The following CSNK1D variants were observed in gnomAD, a reference collection of about 807,000 sequenced individuals.
The protein encoded by CSNK1D is casein kinase 1 delta, also known as casein kinase I isoform delta.
CSNK1D carries 16 observed loss-of-function variants against 46.6 expected under a neutral mutation model. The observed-to-expected ratio is 0.34, with a 90% confidence interval of 0.23 to 0.52. The LOEUF is 0.52. Ranked by LOEUF, CSNK1D falls within the 20% of genes least tolerant of loss-of-function variation. CSNK1D has a pLI of 0.95. For missense variants in CSNK1D, 398 were observed against 578.4 expected (o/e 0.69, Z 3.20); for synonymous variants, 276 against 228.2 (o/e 1.21, Z -1.89).
chr17:82,247,844 A>T lies in CSNK1D; in HGVS notation c.1197+1031T>A, dbSNP rs534435425. 16 of 985,490 alleles carry T rather than the reference A, an allele frequency of 1.6e-5. No individual in the cohort carries two copies. In the African/African-American group the frequency reaches 2.4e-4, roughly 15 times the overall value. The allele number at this position is 985,490 out of a possible 1,614,324, so 61.0% of individuals were successfully genotyped here. A position where few individuals can be genotyped will look rare whatever the true frequency, so the allele number is the denominator to read the frequency against. ...TCTTTGGTCTCTTTGGGAAGAAGTT[A>T]TACAAAAAGGTCTGTTTCTAGTGAA... is the stretch of plus-strand genomic sequence containing the variant. On this transcript the variant is annotated intron_variant, in intron 8 of 8. Transcript: ENST00000314028.
Position 82,248,589 on chromosome 17 carries a change from A to G in CSNK1D, c.1197+286T>C. The G allele has an allele frequency of 7.8e-7, 1 of 1,277,818 alleles. No homozygotes were observed. Among genetic ancestry groups the G allele is most frequent in the Non-Finnish European group, 1.0e-6 (1 of 1,003,156 alleles). The allele number at this position is 1,277,818 out of a possible 1,614,324, so 79.2% of individuals were successfully genotyped here. The stretch of plus-strand genomic sequence containing the variant: ...TGGGGACGGCTGCGGGCAGCGGGGC[A>G]CTCAAACAGCAGGAGAAAGCCCCCA... On this transcript the variant is annotated intron_variant, in intron 8 of 8. Transcript: ENST00000314028. This position sits in a 1 kb window ranked among gnomAD's most constrained non-coding sequence, Gnocchi z 4.1.
rs747737044 is a variant in CSNK1D, at chr17:82,255,484, T to G, written c.281A>C (p.Asn94Thr). ...LLGPSLEDLF[N>T]FCSRKFSLKT... Reference sequence around the variant, plus strand: ...GAGGCTGAATTTCCTGGAGCAGAAGTTGAAGAGGTCCTCCAGGCTTGGCCC... The same window carrying G: ...GAGGCTGAATTTCCTGGAGCAGAAGGTGAAGAGGTCCTCCAGGCTTGGCCC... The change falls in exon 3 of 9, where the codon AAC becomes ACC. Residue 94 changes from asparagine to threonine, a missense_variant. Asn to Thr is a moderately conservative substitution (Grantham distance 65). Transcript: ENST00000314028. The surrounding 1 kb of genome is among the most constrained non-coding windows in gnomAD (Gnocchi z 5.9). 2 of 1,614,102 alleles carry G rather than the reference T, an allele frequency of 1.2e-6. No individual in the cohort carries two copies. The highest frequency in any genetic ancestry group is 2.2e-5 in the East Asian group (1 of 44,878).
chr17:82,254,433 G>A (rs1354491352), intron 3 of CSNK1D: 7 of 246,202 alleles, frequency 2.8e-5, no homozygotes, highest in South Asian at 6.4e-5. Flanking sequence ...CCGGAGCCTC[G>A]AGAAGCCAGT....
chr17:82,260,873 T>G (rs1265559359), intron 2 of CSNK1D: 3 of 154,490 alleles, frequency 1.9e-5, no homozygotes, highest in African/African-American at 7.2e-5. Flanking sequence ...GATGATGTAT[T>G]TACTGACACC....
chr17:82,261,229 G>A (rs1164307835), intron 2 of CSNK1D: 1 of 154,528 alleles, frequency 6.5e-6, no homozygotes, highest in Non-Finnish European at 1.5e-5. Flanking sequence ...GCAGGAACAA[G>A]TGAAGCCAAT....
intron 2 of CSNK1D, among the ~76,000 whole-genome samples, chr17:82,258,132 AG>A (rs1332774141): frequency 6.6e-5 from 10 of 150,792 alleles, no homozygotes; most frequent in African/African-American, 2.4e-4. Context: ...GCTTAGGCCC[AG>A]GAAGTCGAGA....
intron 1 of CSNK1D, among the ~76,000 whole-genome samples, chr17:82,267,685 C>CT (rs1169804911): frequency 1.3e-5 from 2 of 152,238 alleles, no homozygotes; most frequent in African/African-American, 4.8e-5. Context: ...AAAAACCACT[C>CT]TGAGTTCCTC....
intron 1 of CSNK1D, among the ~76,000 whole-genome samples, chr17:82,272,866 G>A (rs1284780075): frequency 1.3e-5 from 2 of 151,752 alleles, no homozygotes; most frequent in African/African-American, 2.4e-5. Flanking sequence ...CCCGCTTCGC[G>A]GCCCCAGCCC....
At chr17:82,272,481 G>A (rs117777876) in intron 1 of CSNK1D, among the ~76,000 whole-genome samples, 3,076 of 152,272 alleles carry the variant, frequency 0.02, 40 homozygotes, top group Non-Finnish European at 0.031. Flanking sequence ...AATCTACCTT[G>A]AGACTGTTAC....
chr17:82,241,426 C>T (rs2147144248), downstream of CSNK1D, among the ~76,000 whole-genome samples: 1 of 152,380 alleles, frequency 6.6e-6, no homozygotes, highest in Admixed American at 6.5e-5. Context: ...ACAGACCCAG[C>T]CAGACTCAGG....
In CSNK1D at chr17:82,243,022, A is replaced by G. The variant is rs901920283; in HGVS notation, c.*1759T>C. ...GACGTCTACCTTCAAGAAGGGGTCCAGCAACAAAGAAAATCTCTTAACTCG... is the reference window on the plus strand; with the variant it reads ...GACGTCTACCTTCAAGAAGGGGTCCGGCAACAAAGAAAATCTCTTAACTCG... On this transcript the variant is annotated 3_prime_UTR_variant, in exon 9 of 9. Transcript: ENST00000314028. The G allele has an allele frequency of 2.0e-6, 2 of 985,364 alleles. No individual in the cohort carries two copies. Among genetic ancestry groups the G allele is most frequent in the Admixed American group, 6.1e-5 (1 of 16,264 alleles). The allele number at this position is 985,364 out of a possible 1,614,324, so 61.0% of individuals were successfully genotyped here. A position where few individuals can be genotyped will look rare whatever the true frequency, so the allele number is the denominator to read the frequency against.
chr17:82,249,210 C>A lies in CSNK1D; in HGVS notation c.1058-196G>T. On this transcript the variant is annotated intron_variant, in intron 7 of 8. Coordinates refer to ENST00000314028, the MANE Select transcript of CSNK1D (RefSeq NM_001893.6). This position sits in a 1 kb window ranked among gnomAD's most constrained non-coding sequence, Gnocchi z 6.7. ...CATGGGAGCGAGGTCAAGGGGCTCA[C>A]AGGGGAGGAACGTGAGATGCGGGAG... is the stretch of plus-strand genomic sequence containing the variant. 1.3e-6 allele frequency: 1 copy of A among 791,140 alleles called. No homozygotes were observed. The highest frequency in any genetic ancestry group is 2.0e-6 in the Non-Finnish European group (1 of 506,892). 49.0% of individuals were successfully genotyped at this position (791,140 alleles called of 1,614,324 possible).
chr17:82,256,336 C>T (rs1451079072), intron 2 of CSNK1D, among the ~76,000 whole-genome samples: 12 of 151,960 alleles, frequency 7.9e-5, no homozygotes, highest in Admixed American at 7.9e-4. Flanking sequence ...CAAAGGGAGA[C>T]CCTTGTCTCT....
rs765222500 is a variant in CSNK1D, at chr17:82,243,429, G to A, written c.*1352C>T. ...AGTGCTGCGGAGTGAGAGGCGAGAA[G>A]GCATCCTGGGAACCTCAGGGCACAG... On this transcript the variant is annotated 3_prime_UTR_variant, in exon 9 of 9. Transcript: ENST00000314028. 25 of 985,438 alleles carry A rather than the reference G, an allele frequency of 2.5e-5. No homozygotes were observed. Among genetic ancestry groups the A allele is most frequent in the Non-Finnish European group, 3.0e-5 (25 of 830,004 alleles). 61.0% of individuals were successfully genotyped at this position (985,438 alleles called of 1,614,324 possible). A position where few individuals can be genotyped will look rare whatever the true frequency, so the allele number is the denominator to read the frequency against.
Position 82,242,988 on chromosome 17 carries a change from C to T in CSNK1D, c.*1793G>A, listed in dbSNP as rs1452860387. On this transcript the variant is annotated 3_prime_UTR_variant, in exon 9 of 9. Coordinates refer to ENST00000314028, the MANE Select transcript of CSNK1D (RefSeq NM_001893.6). ...TTCAGGCCACAGCGCGACGTCTCTC[C>T]GGGTGGGGGACGTCTACCTTCAAGA... 11 of 985,358 alleles carry T rather than the reference C, an allele frequency of 1.1e-5. No individual in the cohort carries two copies. The Admixed American group carries it at 4.9e-4, about 44-fold the overall frequency. The allele number at this position is 985,358 out of a possible 1,614,324, so 61.0% of individuals were successfully genotyped here.
intron 2 of CSNK1D, among the ~76,000 whole-genome samples, chr17:82,259,291 T>C (rs1240054127): frequency 6.6e-6 from 1 of 152,272 alleles, no homozygotes; most frequent in Non-Finnish European, 1.5e-5. Flanking sequence ...ATTTTATATT[T>C]TGATCTTAAA....
At chr17:82,261,757 C>A (rs2051347165) in intron 2 of CSNK1D, among the ~76,000 whole-genome samples, 1 of 152,120 alleles carries the variant, frequency 6.6e-6, no homozygotes, top group African/African-American at 2.4e-5. Flanking sequence ...ATTTTAATGT[C>A]CTCGATACCG....
intron 2 of CSNK1D, among the ~76,000 whole-genome samples, chr17:82,263,538 G>A (rs988121766): frequency 1.3e-5 from 2 of 152,158 alleles, no homozygotes; most frequent in Non-Finnish European, 2.9e-5. Context: ...TGCAGAGAAC[G>A]CACCACTACA....
At chr17:82,254,774 A>G (rs146127880) in intron 3 of CSNK1D, 5,378 of 114,372 alleles carry the variant, frequency 0.047, 578 homozygotes, top group African/African-American at 0.28. Flanking sequence ...GCGGTGAGCC[A>G]CCGGAGCCTC....
Sources: gnomAD v4.1 joint callset for allele counts (sites outside exome capture counted in the v4.1 genomes callset) on GRCh38, gnomAD v4.1.1 for gene constraint, Gnocchi (gnomAD v3.1) non-coding constraint, MANE v1.5 for transcripts, NCBI Gene and HGNC (gene_info 2026-07-23, HGNC 2026-07-21) for gene names.